The following NLGN4X variants were observed in gnomAD, a reference collection of about 807,000 sequenced individuals.
NLGN4X encodes neuroligin-4, X-linked.
In NLGN4X, 3 loss-of-function variants were observed where a neutral mutation model predicts 40.3. That is an observed-to-expected ratio of 0.07 (90% CI 0.03 to 0.19). NLGN4X has a LOEUF of 0.19. Among genes scored for constraint, NLGN4X ranks in the 10% least tolerant of loss-of-function variants. The pLI is 1.00. For missense variants in NLGN4X, 382 were observed against 708.3 expected (o/e 0.54, Z 5.23); for synonymous variants, 270 against 306.8 (o/e 0.88, Z 1.25).
chrX:6,113,184 A>C (rs969560659), intron 2 of NLGN4X, among the ~76,000 whole-genome samples: 1 of 111,160 alleles, frequency 9.0e-6, no homozygotes, highest in Non-Finnish European at 1.9e-5. Flanking sequence ...CAGAAGGAAA[A>C]TACCAACGAA....
chrX:6,186,222 G>A (rs1056378114), intron 1 of NLGN4X, among the ~76,000 whole-genome samples: 5 of 112,327 alleles, frequency 4.5e-5, no homozygotes, highest in Admixed American at 9.4e-5. Flanking sequence ...AGGCCATGCA[G>A]TGTCTGGGGC....
intron 3 of NLGN4X, among the ~76,000 whole-genome samples, chrX:5,971,347 G>C (rs1215787547): frequency 9.0e-6 from 1 of 110,575 alleles, no homozygotes; most frequent in Non-Finnish European, 1.9e-5. Flanking sequence ...CTGTGTTTCT[G>C]GAGCCCAGGA....
At chrX:6,104,695 G>C (rs1424992102) in intron 2 of NLGN4X, among the ~76,000 whole-genome samples, 1 of 111,564 alleles carries the variant, frequency 9.0e-6, no homozygotes, top group African/African-American at 3.3e-5. Context: ...AACAAAAAAG[G>C]AAGAGTCAAA....
At chrX:6,157,272 A>G (rs768916896) in intron 1 of NLGN4X, among the ~76,000 whole-genome samples, 9 of 111,955 alleles carry the variant, frequency 8.0e-5, no homozygotes, top group Non-Finnish European at 1.5e-4. Context: ...TAATTGTAGA[A>G]ACCAGAATTT....
At position 6,083,084 on chromosome X, in the gene NLGN4X, G is replaced by A. The variant is rs773635283; in HGVS notation, c.473-53652C>T. 9.0e-4 allele frequency among the ~76,000 whole-genome samples: 90 copies of A among 100,255 alleles called. 1 individual carries two copies. Among genetic ancestry groups the A allele is most frequent in the African/African-American group, 3.1e-3 (83 of 26,586 alleles). The allele number at this position is 100,255 out of a possible 115,157, so 87.1% of individuals were successfully genotyped here. A position where few individuals can be genotyped will look rare whatever the true frequency, so the allele number is the denominator to read the frequency against. On this transcript the variant is annotated intron_variant, in intron 2 of 5. Transcript: ENST00000381095. ...CGCCATTCTCCTGCCTCAGCCTCCC[G>A]AGTAGCTGGGACTACAGGTGCCCGC...
intron 2 of NLGN4X, among the ~76,000 whole-genome samples, chrX:6,029,654 A>G (rs754303784): frequency 1.3e-4 from 14 of 105,873 alleles, no homozygotes; most frequent in African/African-American, 4.6e-4. Context: ...GCATACAGAC[A>G]TTTAGCGTAC....
chrX:6,148,934 C>A (rs190406028), intron 2 of NLGN4X, among the ~76,000 whole-genome samples: 1 of 112,091 alleles, frequency 8.9e-6, no homozygotes, highest in East Asian at 2.8e-4. Flanking sequence ...GCTTTGAACT[C>A]TCACCAGCAA....
intron 3 of NLGN4X, among the ~76,000 whole-genome samples, chrX:5,935,187 T>C (rs920619499): frequency 3.6e-5 from 4 of 112,101 alleles, no homozygotes; most frequent in African/African-American, 1.3e-4. Context: ...AGTTTAACAT[T>C]TGAAAGTTAA....
chrX:6,165,174 A>T (rs1040241670), intron 1 of NLGN4X, among the ~76,000 whole-genome samples: 8 of 111,905 alleles, frequency 7.1e-5, no homozygotes, highest in Non-Finnish European at 1.3e-4. Flanking sequence ...TGGGGTCAGA[A>T]CTTAACTGAG....
intron 2 of NLGN4X, among the ~76,000 whole-genome samples, chrX:6,097,873 T>C (rs1393303846): frequency 8.9e-6 from 1 of 111,811 alleles, no homozygotes; most frequent in Non-Finnish European, 1.9e-5. Flanking sequence ...ACATCTAGCA[T>C]TTCAAATTGG....
chrX:6,099,559 G>A (rs992758454), intron 2 of NLGN4X, among the ~76,000 whole-genome samples: 2 of 111,883 alleles, frequency 1.8e-5, no homozygotes, highest in Non-Finnish European at 3.8e-5. Flanking sequence ...AAAGTTGAAT[G>A]GATAAAAAAG....
intron 3 of NLGN4X, among the ~76,000 whole-genome samples, chrX:5,935,236 C>T (rs2033695654): frequency 1.8e-5 from 2 of 111,852 alleles, no homozygotes; most frequent in Non-Finnish European, 3.8e-5. Flanking sequence ...AAATGCAAAG[C>T]AAGGATAATC....
chrX:6,183,344 G>A (rs1311999937), intron 1 of NLGN4X, among the ~76,000 whole-genome samples: 2 of 111,159 alleles, frequency 1.8e-5, no homozygotes, highest in South Asian at 3.8e-4. Context: ...TCAGGAGATC[G>A]AGACCATCCT....
At chrX:6,004,013 G>A (rs1309608498) in intron 3 of NLGN4X, among the ~76,000 whole-genome samples, 1 of 112,615 alleles carries the variant, frequency 8.9e-6, no homozygotes, top group East Asian at 2.8e-4. Flanking sequence ...CCGCTGGCCT[G>A]GAAGCAGCCG....
In NLGN4X at chrX:5,890,652, T is replaced by A; in HGVS notation, c.*2165A>T. 1 of 325,326 alleles carries A rather than the reference T, an allele frequency of 3.1e-6. No individual in the cohort carries two copies. The highest frequency in any genetic ancestry group is 5.9e-6 in the Non-Finnish European group (1 of 168,832). 26.8% of individuals were successfully genotyped at this position (325,326 alleles called of 1,213,427 possible). A position where few individuals can be genotyped will look rare whatever the true frequency, so the allele number is the denominator to read the frequency against. Reference sequence around the variant, plus strand: ...CAGAAATGGCCTGATCATAGCTCTATGAAACAATGAATTCGGAATGAAATC... The same window carrying A: ...CAGAAATGGCCTGATCATAGCTCTAAGAAACAATGAATTCGGAATGAAATC... On this transcript the variant is annotated 3_prime_UTR_variant, in exon 6 of 6. Transcript: ENST00000381095.
At chrX:5,975,840 A>T (rs1431516761) in intron 3 of NLGN4X, among the ~76,000 whole-genome samples, 1 of 111,095 alleles carries the variant, frequency 9.0e-6, no homozygotes, top group African/African-American at 3.3e-5. Flanking sequence ...AAAGCCTGAT[A>T]TTTTCTATAC....
At chrX:6,112,426 C>G (rs935114964) in intron 2 of NLGN4X, among the ~76,000 whole-genome samples, 152 of 111,211 alleles carry the variant, frequency 1.4e-3, no homozygotes, top group African/African-American at 4.8e-3. Context: ...AAATAAATAT[C>G]CATGAGTCCA....
intron 2 of NLGN4X, among the ~76,000 whole-genome samples, chrX:6,042,902 C>A (rs1375615629): frequency 2.9e-5 from 3 of 103,094 alleles, no homozygotes; most frequent in Non-Finnish European, 5.9e-5. Context: ...ATGGTGAAAT[C>A]CCATCTTTAC....
intron 3 of NLGN4X, among the ~76,000 whole-genome samples, chrX:5,941,100 C>T (rs1601922786): frequency 4.1e-5 from 4 of 98,607 alleles, no homozygotes; most frequent in Admixed American, 3.5e-4. Flanking sequence ...TGCACTCCAG[C>T]GTGGGTGACA....
Sources: gnomAD v4.1 joint callset for allele counts (sites outside exome capture counted in the v4.1 genomes callset) on GRCh38, gnomAD v4.1.1 for gene constraint, MANE v1.5 for transcripts, NCBI Gene and HGNC (gene_info 2026-07-23, HGNC 2026-07-21) for gene names.